GLIS3: variants seen among roughly 807,000 people sequenced by gnomAD.
GLIS3 encodes the protein zinc finger protein GLIS3.
Under a neutral mutation model 78.6 loss-of-function variants are expected in GLIS3, and 53 were observed. That is an observed-to-expected ratio of 0.67 (90% confidence interval 0.54 to 0.85). The LOEUF is 0.85. Among genes scored for constraint, GLIS3 ranks in the 40% least tolerant of loss-of-function variants. The pLI is 0.00. For missense variants in GLIS3, 1,703 were observed against 1,231.1 expected (o/e 1.38, Z -5.74); for synonymous variants, 684 against 509.9 (o/e 1.34, Z -4.60).
In GLIS3 at chr9:3,936,954, C is replaced by T. The variant is rs1460699707; in HGVS notation, c.1872+74G>A. 5 of 1,577,368 alleles carry T rather than the reference C, an allele frequency of 3.2e-6. No homozygotes were observed. In the African/African-American group the frequency reaches 6.7e-5, roughly 21 times the overall value. On this transcript the variant is annotated intron_variant, in intron 5 of 10. Coordinates refer to ENST00000381971, the MANE Select transcript of GLIS3 (RefSeq NM_001042413.2). ...GCAGACCATAAAGCAAACACTTCAC[C>T]AGCCCACTATCAAGCAGGCACTTCC...
chr9:4,161,105 A>G (rs1564134312), intron 2 of GLIS3, among the ~76,000 whole-genome samples: 1 of 151,116 alleles, frequency 6.6e-6, no homozygotes, highest in Admixed American at 6.6e-5. Context: ...AGAAAGAAAG[A>G]AAGAAAAGAA....
At chr9:4,014,472 G>C (rs1822281166) in intron 4 of GLIS3, among the ~76,000 whole-genome samples, 1 of 152,174 alleles carries the variant, frequency 6.6e-6, no homozygotes. Flanking sequence ...TTTATAAGAA[G>C]AGGAGAGACA....
intron 2 of GLIS3, among the ~76,000 whole-genome samples, chr9:4,321,131 A>G (rs1817517580): frequency 6.6e-6 from 1 of 151,506 alleles, no homozygotes; most frequent in Non-Finnish European, 1.5e-5. Context: ...CTTTTTTTAA[A>G]ATCTCAAGGC....
the GLIS3 span, among the ~76,000 whole-genome samples, chr9:4,423,795 C>T: frequency 6.6e-6 from 1 of 152,162 alleles, no homozygotes; most frequent in East Asian, 1.9e-4. Flanking sequence ...CTTCGGCTAC[C>T]TTATTCTTGT....
chr9:4,353,939 T>C, the GLIS3 span, among the ~76,000 whole-genome samples: 2 of 151,698 alleles, frequency 1.3e-5, no homozygotes, highest in Non-Finnish European at 2.9e-5. Context: ...GCCATTCTCC[T>C]GCCTCAGCCT....
chr9:4,067,824 C>T (rs950722010), intron 4 of GLIS3, among the ~76,000 whole-genome samples: 1 of 150,884 alleles, frequency 6.6e-6, no homozygotes, highest in Non-Finnish European at 1.5e-5. Flanking sequence ...TATATGGTTA[C>T]CAGCAAAGAA....
chr9:4,246,576 T>C (rs1823823398), intron 2 of GLIS3, among the ~76,000 whole-genome samples: 1 of 152,198 alleles, frequency 6.6e-6, no homozygotes. Context: ...TGAGAAGCCA[T>C]AGCCCATTAC....
intron 4 of GLIS3, among the ~76,000 whole-genome samples, chr9:3,987,710 A>AAAAAG (rs748359869): frequency 6.7e-6 from 1 of 148,520 alleles, no homozygotes; most frequent in Non-Finnish European, 1.5e-5. Flanking sequence ...AAAAAAAAAG[A>AAAAAG]AAAAGAAAAG....
intron 4 of GLIS3, among the ~76,000 whole-genome samples, chr9:4,083,981 C>T (rs940557999): frequency 2.0e-5 from 3 of 152,162 alleles, no homozygotes; most frequent in African/African-American, 7.2e-5. Flanking sequence ...TACACTATTG[C>T]AGATGACTTC....
chr9:3,826,545 C>T lies in GLIS3; in HGVS notation c.*1727G>A, dbSNP rs1817735428. ...GCTTTTCTTAGAATACAGCCCACTA[C>T]TCAGAGAAACTAGATTGACCAAGTG... On this transcript the variant is annotated 3_prime_UTR_variant, in exon 11 of 11. Transcript: ENST00000381971. 1 of 152,208 alleles carries T rather than the reference C, an allele frequency of 6.6e-6. No individual in the cohort carries two copies. The allele number at this position is 152,208 out of a possible 1,614,324, so 9.4% of individuals were successfully genotyped here.
chr9:4,211,147 T>C (rs2131299102), intron 2 of GLIS3, among the ~76,000 whole-genome samples: 1 of 152,336 alleles, frequency 6.6e-6, no homozygotes, highest in African/African-American at 2.4e-5. Context: ...GACCACATGG[T>C]AAGTAACCAG....
intron 4 of GLIS3, among the ~76,000 whole-genome samples, chr9:4,075,661 T>A (rs1408108507): frequency 6.6e-6 from 1 of 151,560 alleles, no homozygotes; most frequent in Non-Finnish European, 1.5e-5. Flanking sequence ...GTTTTTAGGA[T>A]ATTTGCAAAA....
At chr9:4,301,537 G>C (rs951309202), upstream of GLIS3, among the ~76,000 whole-genome samples, 1 of 152,216 alleles carries the variant, frequency 6.6e-6, no homozygotes, top group Non-Finnish European at 1.5e-5. Flanking sequence ...AAGGAACAGA[G>C]CAAGATGGCA....
chr9:4,167,317 G>C (rs1815949667), intron 2 of GLIS3, among the ~76,000 whole-genome samples: 1 of 152,192 alleles, frequency 6.6e-6, no homozygotes, highest in African/African-American at 2.4e-5. Flanking sequence ...GAGTGAAATT[G>C]CTAAATTCTT....
At chr9:4,138,803 C>T (rs546861813) in intron 2 of GLIS3, among the ~76,000 whole-genome samples, 2 of 152,118 alleles carry the variant, frequency 1.3e-5, no homozygotes, top group Non-Finnish European at 2.9e-5. Context: ...CAACAGTTTC[C>T]AGCACACAGT....
intron 6 of GLIS3, among the ~76,000 whole-genome samples, chr9:3,908,409 C>T (rs1383023143): frequency 6.6e-6 from 1 of 152,166 alleles, no homozygotes; most frequent in African/African-American, 2.4e-5. Context: ...CTCCAAGGCT[C>T]GGAAACCAAT....
At chr9:4,461,576 C>T in the GLIS3 span, among the ~76,000 whole-genome samples, 3 of 152,220 alleles carry the variant, frequency 2.0e-5, no homozygotes, top group African/African-American at 4.8e-5. Context: ...ACTCCTCCCT[C>T]CAAAATCCTT....
intron 4 of GLIS3, among the ~76,000 whole-genome samples, chr9:4,088,958 G>A (rs1458120168): frequency 1.3e-5 from 2 of 152,244 alleles, no homozygotes; most frequent in Non-Finnish European, 2.9e-5. Context: ...CAGCTCCTCA[G>A]ATGGAGTTAC....
chr9:4,326,997 G>A (rs551554285), intron 2 of GLIS3, among the ~76,000 whole-genome samples: 1 of 152,322 alleles, frequency 6.6e-6, no homozygotes, highest in South Asian at 2.1e-4. Flanking sequence ...GTACAGCATA[G>A]AGCAAGATAC....
Sources: allele counts gnomAD v4.1 joint callset (sites outside exome capture counted in the v4.1 genomes callset), GRCh38; gene constraint gnomAD v4.1.1; transcripts MANE v1.5; gene names NCBI Gene and HGNC (gene_info 2026-07-23, HGNC 2026-07-21).